Variants in MTG1 observed in about 807,000 individuals in gnomAD.
MTG1 encodes the protein mitochondrial ribosome associated GTPase 1.
In MTG1, 30 loss-of-function variants were observed where a neutral mutation model predicts 39.5. That is an observed-to-expected ratio of 0.76 (90% CI 0.57 to 1.03). MTG1 has a LOEUF of 1.03. Ranked by LOEUF, MTG1 falls within the 50% of genes least tolerant of loss-of-function variation. MTG1 has a pLI of 0.00. For synonymous variants in MTG1, 217 were observed against 179.0 expected, an observed-to-expected ratio of 1.21 and a Z score of -1.69; for missense variants, 513 against 447.4, an observed-to-expected ratio of 1.15 and a Z score of -1.32.
intron 9 of MTG1, among the ~76,000 whole-genome samples, chr10:133,404,907 C>T (rs552398899): frequency 1.6e-4 from 25 of 152,198 alleles, no homozygotes; most frequent in Non-Finnish European, 3.1e-4. Context: ...GACCGACCGT[C>T]TTGGTAACTG....
chr10:133,399,852 C>CT (rs1164162098), intron 6 of MTG1: 10 of 478,440 alleles, frequency 2.1e-5, no homozygotes, highest in Non-Finnish European at 3.7e-5. Context: ...CTTTTAAAAT[C>CT]TTTAACATGA....
chr10:133,399,768 G>A (rs1849845512), intron 6 of MTG1, 149 bp downstream of exon 6: 6 of 665,188 alleles, frequency 9.0e-6, no homozygotes, highest in Middle Eastern at 2.5e-4. Context: ...ATCTTGTCTC[G>A]TTCAGTCCAG....
rs990370207 is a variant in MTG1 at position 133,400,117 on chromosome 10, G to A, written c.511+498G>A. The stretch of plus-strand genomic sequence containing the variant: ...TGAGGCAGGAGAATGGCGTGAACCC[G>A]GGAGGCGGAGCTTGCAGTGAGTTGA... On this transcript the variant is annotated intron_variant, in intron 6 of 10. Coordinates refer to ENST00000317502, the MANE Select transcript of MTG1 (RefSeq NM_138384.4). 6.6e-5 allele frequency among the ~76,000 whole-genome samples: 10 copies of A among 152,264 alleles called. No individual in the cohort carries two copies. The East Asian group carries it at 1.7e-3, about 26-fold the overall frequency.
chr10:133,397,919 C>T (rs531234279), intron 3 of MTG1, among the ~76,000 whole-genome samples: 59 of 152,110 alleles, frequency 3.9e-4, no homozygotes, highest in Non-Finnish European at 7.8e-4. Context: ...ACAGCAGTGT[C>T]TGACCTGGTC....
chr10:133,402,607 C>A lies in MTG1; in HGVS notation c.671-85C>A. The stretch of plus-strand genomic sequence containing the variant: ...TTCCTCACGGCACGGTGTCTTTGGG[C>A]TAGGACTGGAAGGGATGTGTTTGAA... On this transcript the variant is annotated intron_variant, in intron 8 of 10. Transcript: ENST00000317502. The surrounding 1 kb of genome is among the most constrained non-coding windows in gnomAD (Gnocchi z 4.7). 2.4e-6 allele frequency: 3 copies of A among 1,245,062 alleles called. No individual in the cohort carries two copies. The highest frequency in any genetic ancestry group is 1.5e-5 in the African/African-American group (1 of 67,212). 77.1% of individuals were successfully genotyped at this position (1,245,062 alleles called of 1,614,324 possible). A position where few individuals can be genotyped will look rare whatever the true frequency, so the allele number is the denominator to read the frequency against.
Position 133,419,545 on chromosome 10 carries a change from C to G in MTG1, c.818C>G (p.Ala273Gly), listed in dbSNP as rs1850194430. The change falls in exon 10 of 11, where the codon GCT becomes GGT. Residue 273 changes from alanine to glycine, a missense_variant. Coordinates refer to ENST00000317502, the MANE Select transcript of MTG1 (RefSeq NM_138384.4). ...DNVERVLKSV[A>G]VKLGKTQKVK... The stretch of plus-strand genomic sequence containing the variant: ...GTAGAGCGCGTGCTGAAGAGTGTGG[C>G]TGTGAAGCTGGGGAAGACGCAGAAG... 3.1e-6 allele frequency: 5 copies of G among 1,610,498 alleles called. No homozygotes were observed. Among genetic ancestry groups the G allele is most frequent in the Admixed American group, 1.7e-5 (1 of 59,618 alleles).
chr10:133,418,153 G>A (rs1199558084), intron 9 of MTG1, among the ~76,000 whole-genome samples: 1 of 152,170 alleles, frequency 6.6e-6, no homozygotes, highest in Non-Finnish European at 1.5e-5. Context: ...ACAAGCATGT[G>A]CCACCACACC....
At chr10:133,414,336 C>A (rs1850090076) in intron 9 of MTG1, among the ~76,000 whole-genome samples, 1 of 152,076 alleles carries the variant, frequency 6.6e-6, no homozygotes, top group Non-Finnish European at 1.5e-5. Context: ...GACACGGCAA[C>A]CATCCGATTT....
intron 9 of MTG1, among the ~76,000 whole-genome samples, chr10:133,407,676 C>G (rs1849988042): frequency 6.6e-6 from 1 of 151,406 alleles, no homozygotes; most frequent in South Asian, 2.1e-4. Context: ...TCAAGCGATT[C>G]TCCTGCCTCA....
At chr10:133,398,295 G>C in intron 3 of MTG1, 140 bp from the exon 4 acceptor site, 1 of 731,220 alleles carries the variant, frequency 1.4e-6, no homozygotes, top group South Asian at 1.8e-5. Context: ...TGCTACTTGG[G>C]AGGCTGAGGC....
intron 1 of MTG1, 32 bp downstream of exon 1, chr10:133,394,364 C>A (rs932752867): frequency 1.0e-5 from 15 of 1,439,902 alleles, no homozygotes; most frequent in Non-Finnish European, 1.3e-5. Flanking sequence ...CAAGGTCATG[C>A]CTACGGCCGC....
chr10:133,412,371 T>C (rs912053162), intron 9 of MTG1, among the ~76,000 whole-genome samples: 3 of 152,262 alleles, frequency 2.0e-5, no homozygotes, highest in African/African-American at 7.2e-5. Context: ...AGAATTGATT[T>C]TTGTATATTG....
intron 3 of MTG1, among the ~76,000 whole-genome samples, chr10:133,397,978 C>T (rs1176993481): frequency 2.0e-5 from 3 of 152,094 alleles, no homozygotes; most frequent in African/African-American, 7.2e-5. Context: ...TAGACTTGCC[C>T]CTGGGTGGCC....
At chr10:133,419,388 C>T (rs1260938273) in intron 9 of MTG1, 92 bp from the exon 10 acceptor site, 2 of 1,060,070 alleles carry the variant, frequency 1.9e-6, no homozygotes, top group African/African-American at 3.2e-5. Flanking sequence ...CTGGCCGTGG[C>T]CTTTGTGGCA....
At chr10:133,400,477 T>G (rs928705828) in intron 6 of MTG1, among the ~76,000 whole-genome samples, 3 of 152,258 alleles carry the variant, frequency 2.0e-5, no homozygotes, top group Admixed American at 6.5e-5. Context: ...CAAGTCCTTG[T>G]TGGCTTCATT....
intron 3 of MTG1, 24 bp from the exon 4 acceptor site, chr10:133,398,411 A>G (rs1849820294): frequency 1.9e-6 from 3 of 1,607,736 alleles, no homozygotes; most frequent in African/African-American, 1.3e-5. Context: ...AAAAAGTAAC[A>G]TAGAAATGTT....
chr10:133,394,337 G>A lies in MTG1; in HGVS notation c.112+5G>A. The A allele has an allele frequency of 6.7e-7, 1 of 1,493,208 alleles. No individual in the cohort carries two copies. The highest frequency in any genetic ancestry group is 1.3e-5 in the South Asian group (1 of 79,452). The allele number at this position is 1,493,208 out of a possible 1,614,324, so 92.5% of individuals were successfully genotyped here. A position where few individuals can be genotyped will look rare whatever the true frequency, so the allele number is the denominator to read the frequency against. On this transcript the variant is annotated splice_donor_5th_base_variant and intron_variant, in intron 1 of 10. Coordinates refer to ENST00000317502, the MANE Select transcript of MTG1 (RefSeq NM_138384.4). Reference sequence around the variant, plus strand: ...TCCCGGGCCACATGGCCAAGGGTGAGGCACGGCGGGGAGGGGCAAGGTCAT... The same window carrying A: ...TCCCGGGCCACATGGCCAAGGGTGAAGCACGGCGGGGAGGGGCAAGGTCAT...
In MTG1 at chr10:133,404,383, T is replaced by TC. The variant is rs113653797; in HGVS notation, c.752+1613dup. 5.3e-3 allele frequency among the ~76,000 whole-genome samples: 809 copies of TC among 152,270 alleles called. 9 individuals are homozygous for TC. Among genetic ancestry groups the TC allele is most frequent in the African/African-American group, 0.018 (766 of 41,568 alleles). On this transcript the variant is annotated intron_variant, in intron 9 of 10. Coordinates refer to ENST00000317502, the MANE Select transcript of MTG1 (RefSeq NM_138384.4). ...CTCAAGGGATCTGCCCGCCTCAGCC[T>TC]CCCAAAGCATTAGGATTATAGGCAT...
rs1384007757 is a variant in MTG1, at chr10:133,402,070, G to A, written c.574-79G>A. 2 of 1,564,610 alleles carry A rather than the reference G, an allele frequency of 1.3e-6. No homozygotes were observed. Among genetic ancestry groups the A allele is most frequent in the Admixed American group, 1.7e-5 (1 of 59,842 alleles). On this transcript the variant is annotated intron_variant, in intron 7 of 10. Coordinates refer to ENST00000317502, the MANE Select transcript of MTG1 (RefSeq NM_138384.4). This position sits in a 1 kb window ranked among gnomAD's most constrained non-coding sequence, Gnocchi z 4.7. ...TTCCTCGGAGCATTGGGTGCCAGGG[G>A]CTGCCCAGGCTTCCTGAGTGGCCCA...
Sources: allele counts gnomAD v4.1 joint callset (sites outside exome capture counted in the v4.1 genomes callset), GRCh38; gene constraint gnomAD v4.1.1; non-coding constraint Gnocchi (gnomAD v3.1); transcripts MANE v1.5; gene names NCBI Gene and HGNC (gene_info 2026-07-23, HGNC 2026-07-21).